The following DOT1L variants were observed in gnomAD, a reference collection of about 807,000 sequenced individuals.
The protein encoded by DOT1L is DOT1 like histone lysine methyltransferase.
Under a neutral mutation model 153.3 loss-of-function variants are expected in DOT1L, and 33 were observed. The observed-to-expected ratio is 0.22, with a 90% CI of 0.16 to 0.29. The LOEUF (loss-of-function observed/expected upper bound fraction) is 0.29, where lower values mean the gene tolerates loss of function less well. Among genes scored for constraint, DOT1L ranks in the 10% least tolerant of loss-of-function variants. The pLI, the probability that DOT1L is intolerant of heterozygous loss-of-function variation, is 1.00. For missense variants in DOT1L, 1,847 were observed against 2,119.9 expected, an observed-to-expected ratio of 0.87 and a Z score of 2.53; for synonymous variants, 1,135 against 965.1, an observed-to-expected ratio of 1.18 and a Z score of -3.26.
At chr19:2,174,279 A>G (rs916201592) in intron 1 of DOT1L, among the ~76,000 whole-genome samples, 9 of 152,220 alleles carry the variant, frequency 5.9e-5, no homozygotes, top group African/African-American at 1.9e-4. Context: ...CTACAGACAG[A>G]TGCTCAGCCA....
At chr19:2,213,327 C>T (rs567153319) in intron 16 of DOT1L, 40 of 514,042 alleles carry the variant, frequency 7.8e-5, no homozygotes, top group Non-Finnish European at 1.1e-4. Context: ...CTCCAGCTGG[C>T]GAGAGTTCTT....
At chr19:2,181,070 C>T (rs547478916) in intron 2 of DOT1L, among the ~76,000 whole-genome samples, 3 of 152,310 alleles carry the variant, frequency 2.0e-5, no homozygotes, top group Admixed American at 6.5e-5. Context: ...CACGCGCCCT[C>T]GACGGCCTCC....
At position 2,193,394 on chromosome 19, in the gene DOT1L, A is replaced by T. The variant is rs1419179308; in HGVS notation, c.494-295A>T. On this transcript the variant is annotated intron_variant, in intron 5 of 27. Transcript: ENST00000398665. The surrounding 1 kb of genome is among the most constrained non-coding windows in gnomAD (Gnocchi z 5.9). ...CTTGGGCAGCCCTGTCTGTCTGAAC[A>T]GTGAACATCACATAGGGCCCTGAGA... 6.6e-6 allele frequency among the ~76,000 whole-genome samples: 1 copy of T among 152,228 alleles called. No individual in the cohort carries two copies. The highest frequency in any genetic ancestry group is 2.4e-5 in the African/African-American group (1 of 41,454).
intron 1 of DOT1L, among the ~76,000 whole-genome samples, chr19:2,175,523 A>G (rs1458734186): frequency 6.6e-6 from 1 of 152,178 alleles, no homozygotes; most frequent in African/African-American, 2.4e-5. Context: ...TTATCATTTT[A>G]TCATGTAATT....
At chr19:2,216,134 C>T in intron 19 of DOT1L, 147 bp from the exon 20 acceptor site, 2 of 1,234,488 alleles carry the variant, frequency 1.6e-6, no homozygotes, top group Non-Finnish European at 2.2e-6. Context: ...CCGACCCCGC[C>T]TCTATGTGGT....
chr19:2,180,834 T>C (rs2022198267), intron 2 of DOT1L, 78 bp downstream of exon 2: 19 of 1,562,416 alleles, frequency 1.2e-5, no homozygotes, highest in Non-Finnish European at 1.7e-5. Context: ...GCAGATTCTG[T>C]TGTGGGGATG....
Position 2,168,367 on chromosome 19 carries a change from C to G in DOT1L, c.81+4102C>G, listed in dbSNP as rs142788047. Reference sequence around the variant, plus strand: ...ATAGAAGTTCAGCAGAGATACTGTGCTGAGTACAAGGTCAGCTGAGGTCCC... The same window carrying G: ...ATAGAAGTTCAGCAGAGATACTGTGGTGAGTACAAGGTCAGCTGAGGTCCC... On this transcript the variant is annotated intron_variant, in intron 1 of 27. Coordinates refer to ENST00000398665, the MANE Select transcript of DOT1L (RefSeq NM_032482.3). 1.9e-3 allele frequency among the ~76,000 whole-genome samples: 293 copies of G among 152,278 alleles called. 3 individuals carry two copies. Among genetic ancestry groups the G allele is most frequent in the African/African-American group, 6.0e-3 (248 of 41,566 alleles).
At chr19:2,224,272 G>C (rs1381925484) in intron 25 of DOT1L, among the ~76,000 whole-genome samples, 2 of 152,120 alleles carry the variant, frequency 1.3e-5, no homozygotes, top group Non-Finnish European at 2.9e-5. Flanking sequence ...CCGTTTCCTG[G>C]TGCCTGGGCG....
chr19:2,229,762 C>T lies in DOT1L; in HGVS notation c.4607-23C>T, dbSNP rs377589588. Reference sequence around the variant, plus strand: ...GGCGCGATGGTAACCTCAGGCCGCTCTTCCCGCTGTGCCCTTCTGCAGGTA... The same window carrying T: ...GGCGCGATGGTAACCTCAGGCCGCTTTTCCCGCTGTGCCCTTCTGCAGGTA... On this transcript the variant is annotated intron_variant, in intron 27 of 27. Coordinates refer to ENST00000398665, the MANE Select transcript of DOT1L (RefSeq NM_032482.3). 2.2e-5 allele frequency: 36 copies of T among 1,613,062 alleles called. No homozygotes were observed. In the African/African-American group the frequency reaches 4.3e-4, roughly 19 times the overall value.
At chr19:2,177,481 C>T (rs1018949811) in intron 1 of DOT1L, among the ~76,000 whole-genome samples, 1 of 152,018 alleles carries the variant, frequency 6.6e-6, no homozygotes, top group South Asian at 2.1e-4. Flanking sequence ...ATTATTAGTA[C>T]TACTAACAAT....
intron 1 of DOT1L, among the ~76,000 whole-genome samples, chr19:2,176,197 T>C (rs2021925406): frequency 6.6e-6 from 1 of 152,062 alleles, no homozygotes; most frequent in Non-Finnish European, 1.5e-5. Flanking sequence ...CCTGGTGAAG[T>C]CTGCACAAAG....
chr19:2,216,689 A>C lies in DOT1L; in HGVS notation c.2332A>C (p.Lys778Gln). 1 of 1,603,224 alleles carries C rather than the reference A, an allele frequency of 6.2e-7. No homozygotes were observed. Among genetic ancestry groups the C allele is most frequent in the Non-Finnish European group, 8.5e-7 (1 of 1,179,854 alleles). Reference sequence around the variant, plus strand: ...CGACTACACTAGGCTGTCCCCGGCCAAGATTGTGCTGAGGCGGCACCTGAG... The same window carrying C: ...CGACTACACTAGGCTGTCCCCGGCCCAGATTGTGCTGAGGCGGCACCTGAG... Reference protein sequence around the residue: ...APDYTRLSPAKIVLRRHLSQD... With the variant: ...APDYTRLSPAQIVLRRHLSQD... The change falls in exon 20 of 28, where the codon AAG becomes CAG. Residue 778 changes from lysine to glutamine, a missense_variant. Coordinates refer to ENST00000398665, the MANE Select transcript of DOT1L (RefSeq NM_032482.3).
chr19:2,229,196 C>T (rs901417097), intron 27 of DOT1L: 3 of 985,480 alleles, frequency 3.0e-6, no homozygotes, highest in Non-Finnish European at 3.6e-6. Flanking sequence ...GTCCTGTTCA[C>T]TCCTCCCCCA....
chr19:2,185,802 A>G lies in DOT1L; in HGVS notation c.126-53A>G, dbSNP rs1340916942. ...AACAAAAACAAAAACAAAACACAAA[A>G]CAAAACAAAAAAAACCAAACCCTTC... On this transcript the variant is annotated intron_variant, in intron 2 of 27. Transcript: ENST00000398665. 6.9e-6 allele frequency: 11 copies of G among 1,593,076 alleles called. No homozygotes were observed. In the South Asian group the frequency reaches 1.2e-4, roughly 18 times the overall value.
In DOT1L at chr19:2,208,589, A is replaced by C. The variant is rs1318446796; in HGVS notation, c.964-346A>C. On this transcript the variant is annotated intron_variant, in intron 11 of 27. Coordinates refer to ENST00000398665, the MANE Select transcript of DOT1L (RefSeq NM_032482.3). The surrounding 1 kb of genome is among the most constrained non-coding windows in gnomAD (Gnocchi z 4.4). ...GCCCTGGCACTGACGCCCTCGGCGC[A>C]GCCTCTCGCCTTCTCCTCTGAGGCG... 6.6e-6 allele frequency among the ~76,000 whole-genome samples: 1 copy of C among 152,122 alleles called. No homozygotes were observed. Among genetic ancestry groups the C allele is most frequent in the Non-Finnish European group, 1.5e-5 (1 of 68,010 alleles).
chr19:2,178,480 C>T (rs1273024880), intron 1 of DOT1L, among the ~76,000 whole-genome samples: 4 of 147,744 alleles, frequency 2.7e-5, no homozygotes, highest in African/African-American at 1.0e-4. Flanking sequence ...TGCAGTGGCG[C>T]GATCTTGGCT....
At position 2,230,130 on chromosome 19, in the gene DOT1L, C is replaced by T. The variant is rs2024534588; in HGVS notation, c.*338C>T. ...AAAGACACGTGTCTGCAGGGCGGGC[C>T]CGCCAGCGGATTCGCCACAGCCTGC... is the stretch of plus-strand genomic sequence containing the variant. On this transcript the variant is annotated 3_prime_UTR_variant, in exon 28 of 28. Coordinates refer to ENST00000398665, the MANE Select transcript of DOT1L (RefSeq NM_032482.3). 3 of 514,490 alleles carry T rather than the reference C, an allele frequency of 5.8e-6. No individual in the cohort carries two copies. Among genetic ancestry groups the T allele is most frequent in the South Asian group, 6.1e-5 (2 of 33,026 alleles). The allele number at this position is 514,490 out of a possible 1,614,324, so 31.9% of individuals were successfully genotyped here.
intron 1 of DOT1L, among the ~76,000 whole-genome samples, chr19:2,165,615 C>T (rs1193142109): frequency 2.0e-5 from 3 of 152,254 alleles, no homozygotes; most frequent in Non-Finnish European, 4.4e-5. Context: ...AAAGTTCAAA[C>T]TCCAGAACCC....
chr19:2,191,251 C>T lies in DOT1L; in HGVS notation c.493+11C>T. ...TGGACTTGGGGAGCGGTGAGTGTCG[C>T]CCGCCATGCCCGGCTCCTGTGCACT... On this transcript the variant is annotated intron_variant, in intron 5 of 27. Transcript: ENST00000398665. The surrounding 1 kb of genome is among the most constrained non-coding windows in gnomAD (Gnocchi z 6.8). The T allele has an allele frequency of 6.2e-7, 1 of 1,612,552 alleles. No individual in the cohort carries two copies. The highest frequency in any genetic ancestry group is 8.5e-7 in the Non-Finnish European group (1 of 1,179,268).
Sources: allele counts gnomAD v4.1 joint callset (sites outside exome capture counted in the v4.1 genomes callset), GRCh38; gene constraint gnomAD v4.1.1; non-coding constraint Gnocchi (gnomAD v3.1); transcripts MANE v1.5; gene names NCBI Gene and HGNC (gene_info 2026-07-23, HGNC 2026-07-21).